COL27A1: variants seen among roughly 807,000 people sequenced by gnomAD.
COL27A1 encodes collagen type XXVII alpha 1 chain, also known as collagen alpha-1(XXVII) chain.
COL27A1 carries 106 observed loss-of-function variants against 251.3 expected under a neutral mutation model. The observed-to-expected ratio is 0.42, with a 90% CI of 0.36 to 0.50. The LOEUF is 0.50. Ranked by LOEUF, COL27A1 falls within the 20% of genes least tolerant of loss-of-function variation. The pLI is 0.00. For synonymous variants in COL27A1, 1,000 were observed against 986.3 expected (o/e 1.01, Z -0.26); for missense variants, 2,325 against 2,522.8 (o/e 0.92, Z 1.68).
At chr9:114,284,219 T>A (rs1836113582) in intron 40 of COL27A1, among the ~76,000 whole-genome samples, 1 of 152,134 alleles carries the variant, frequency 6.6e-6, no homozygotes, top group South Asian at 2.1e-4. Flanking sequence ...GCCTGACCAC[T>A]TCAGTTTGGA....
intron 16 of COL27A1, among the ~76,000 whole-genome samples, chr9:114,233,260 C>A (rs1340103385): frequency 6.6e-6 from 1 of 152,132 alleles, no homozygotes; most frequent in Non-Finnish European, 1.5e-5. Flanking sequence ...ATTTGCAGGC[C>A]CCTGGACTCT....
chr9:114,282,227 T>G, intron 37 of COL27A1, 50 bp from the exon 38 acceptor site: 1 of 1,561,776 alleles, frequency 6.4e-7, no homozygotes, highest in Non-Finnish European at 8.8e-7. Context: ...CCGCCTCAGT[T>G]TCCTCTCTTC....
At chr9:114,154,789 G>A (rs1848030907), upstream of COL27A1, among the ~76,000 whole-genome samples, 1 of 152,146 alleles carries the variant, frequency 6.6e-6, no homozygotes, top group Non-Finnish European at 1.5e-5. The surrounding 1 kb of genome is among the most constrained non-coding windows in gnomAD (Gnocchi z 5.8). Flanking sequence ...GAGTGTGTGT[G>A]TGCACCGGTG....
intron 41 of COL27A1, among the ~76,000 whole-genome samples, 169 bp from the exon 42 acceptor site, chr9:114,288,286 C>T (rs1236493510): frequency 6.6e-6 from 1 of 152,212 alleles, no homozygotes; most frequent in Admixed American, 6.5e-5. Flanking sequence ...TGGTTCCACA[C>T]CAGCCTGAGT....
intron 49 of COL27A1, among the ~76,000 whole-genome samples, chr9:114,298,619 C>T (rs963648268): frequency 1.3e-5 from 2 of 152,096 alleles, no homozygotes; most frequent in Non-Finnish European, 2.9e-5. Context: ...TAATTTGGAC[C>T]TCTGCTTCAC....
chr9:114,219,799 T>C lies in COL27A1; in HGVS notation c.2376T>C (p.Pro792=). The C allele has an allele frequency of 6.2e-7, 1 of 1,609,990 alleles. No homozygotes were observed. Among genetic ancestry groups the C allele is most frequent in the Non-Finnish European group, 8.5e-7 (1 of 1,176,288 alleles). Residue 792 remains proline, a synonymous_variant, in exon 13 of 61, where the codon CCT becomes CCC. Coordinates refer to ENST00000356083, the MANE Select transcript of COL27A1 (RefSeq NM_032888.4). ...TCTCTCATGCCCTCCAGGGGTTTCC[T>C]GGAGTCTTTGGGGAAAGAGGCCCTC... ...KRGKMGMPGF[P]GVFGERGPPG...
Position 114,196,004 on chromosome 9 carries a change from G to T in COL27A1, c.2116G>T (p.Gly706Ter). 1 of 1,614,068 alleles carries T rather than the reference G, an allele frequency of 6.2e-7. No homozygotes were observed. The highest frequency in any genetic ancestry group is 8.5e-7 in the Non-Finnish European group (1 of 1,179,948). The change falls in exon 7 of 61, where the codon GGA (glycine) becomes TGA (stop). Residue 706 changes from glycine (G) to a stop codon, truncating the protein, a stop_gained. Transcript: ENST00000356083. LOFTEE classifies it high-confidence loss of function. ...GCTCTCCGGGAATCCAGGACCTCCG[G>T]GACGAAAGGTACTGTTTGGTTTTGA... ...PGLSGNPGPP[G>*]RKGHKGYPGP... is the part of the protein sequence containing the mutation.
intron 14 of COL27A1, among the ~76,000 whole-genome samples, chr9:114,230,201 A>C (rs1831841164): frequency 6.6e-6 from 1 of 152,072 alleles, no homozygotes; most frequent in African/African-American, 2.4e-5. Flanking sequence ...GGGAATGAAA[A>C]ATCACATTCC....
chr9:114,302,870 C>T (rs1380365606), intron 56 of COL27A1, among the ~76,000 whole-genome samples: 5 of 152,250 alleles, frequency 3.3e-5, no homozygotes, highest in East Asian at 1.9e-4. Context: ...TACTATTGCA[C>T]GGTGGCTACA....
intron 12 of COL27A1, among the ~76,000 whole-genome samples, chr9:114,212,571 C>T (rs929892605): frequency 1.3e-5 from 2 of 152,148 alleles, no homozygotes; most frequent in Non-Finnish European, 1.5e-5. Flanking sequence ...GGGTTGGGAT[C>T]TTGAATAAGT....
Position 114,243,431 on chromosome 9 carries a change from A to G in COL27A1, c.2881-76A>G. The G allele has an allele frequency of 3.3e-6, 4 of 1,224,936 alleles. No homozygotes were observed. In the South Asian group the frequency reaches 5.0e-5, roughly 15 times the overall value. The allele number at this position is 1,224,936 out of a possible 1,614,324, so 75.9% of individuals were successfully genotyped here. A position where few individuals can be genotyped will look rare whatever the true frequency, so the allele number is the denominator to read the frequency against. On this transcript the variant is annotated intron_variant, in intron 22 of 60. Transcript: ENST00000356083. ...TCTACAGCTGTGGATACCCTGTGCC[A>G]GGCCCTTGGAGCCCCTGGACCCCAG...
chr9:114,264,193 A>G (rs867140789), intron 28 of COL27A1, among the ~76,000 whole-genome samples, 162 bp from the exon 29 acceptor site: 4 of 152,150 alleles, frequency 2.6e-5, no homozygotes, highest in Non-Finnish European at 5.9e-5. Context: ...GCGCTGCACG[A>G]GGGTGACCAC....
intron 55 of COL27A1, 84 bp downstream of exon 55, chr9:114,301,801 C>A: frequency 7.3e-7 from 1 of 1,363,352 alleles, no homozygotes; most frequent in South Asian, 1.3e-5. Context: ...CAGACTAAGC[C>A]TTGACCCTGA....
intron 8 of COL27A1, 117 bp from the exon 9 acceptor site, chr9:114,205,642 A>G (rs1829900817): frequency 3.2e-6 from 3 of 948,846 alleles, no homozygotes; most frequent in East Asian, 4.8e-5. Context: ...CTCCTGTTCC[A>G]TCTCACATTC....
chr9:114,171,995 C>A (rs939919922), intron 3 of COL27A1, among the ~76,000 whole-genome samples: 1 of 152,130 alleles, frequency 6.6e-6, no homozygotes, highest in Admixed American at 6.5e-5. Context: ...GACTTCTGGC[C>A]AGGGCTGAGG....
intron 27 of COL27A1, among the ~76,000 whole-genome samples, chr9:114,253,330 G>A (rs2135535647): frequency 8.6e-6 from 1 of 116,874 alleles, no homozygotes; most frequent in East Asian, 5.7e-4. Context: ...AGAGAGGAAG[G>A]GAGGGGAGAA....
chr9:114,258,717 T>C (rs1039901603), intron 28 of COL27A1, 123 bp downstream of exon 28: 40 of 993,664 alleles, frequency 4.0e-5, no homozygotes, highest in Non-Finnish European at 5.5e-5. Context: ...GTGACTTTCA[T>C]AGCACAAGGC....
At chr9:114,309,127 G>A (rs1362306656) in intron 59 of COL27A1, 133 bp from the exon 60 acceptor site, 1 of 771,740 alleles carries the variant, frequency 1.3e-6, no homozygotes, top group African/African-American at 1.7e-5. Context: ...GTGGGCACAT[G>A]TCTGGGAGCA....
chr9:114,252,528 T>G (rs1052136587), intron 25 of COL27A1, 65 bp from the exon 26 acceptor site: 3 of 1,429,730 alleles, frequency 2.1e-6, no homozygotes, highest in Non-Finnish European at 3.0e-6. Context: ...CCTCTGCACC[T>G]GCCTCCCACA....
Sources: gnomAD v4.1 joint callset for allele counts (sites outside exome capture counted in the v4.1 genomes callset) on GRCh38, gnomAD v4.1.1 for gene constraint, Gnocchi (gnomAD v3.1) non-coding constraint, MANE v1.5 for transcripts, NCBI Gene and HGNC (gene_info 2026-07-23, HGNC 2026-07-21) for gene names.